The following ELAPOR1 variants were observed in gnomAD, a reference collection of about 807,000 sequenced individuals.
The protein encoded by ELAPOR1 is endosome/lysosome-associated apoptosis and autophagy regulator 1.
A neutral mutation model predicts 119.7 loss-of-function variants in ELAPOR1; 77 were observed. The ratio of observed to expected loss-of-function variants is 0.64; its 90% CI spans 0.54 to 0.78. The LOEUF (loss-of-function observed/expected upper bound fraction) is 0.78, where lower values mean the gene tolerates loss of function less well. ELAPOR1 is among the 30% of genes least tolerant of loss of function. ELAPOR1 has a pLI of 0.00. For synonymous variants in ELAPOR1, 481 were observed against 487.2 expected, an observed-to-expected ratio of 0.99 and a Z score of 0.17; for missense variants, 1,115 against 1,270.4, an observed-to-expected ratio of 0.88 and a Z score of 1.86.
rs1196180579 is a variant in ELAPOR1 at position 109,177,257 on chromosome 1, G to A, written c.952+3420G>A. Among the ~76,000 whole-genome samples, 12 of 144,230 alleles carry A rather than the reference G, an allele frequency of 8.3e-5. No individual in the cohort carries two copies. The East Asian group carries it at 1.1e-3, about 13-fold the overall frequency. The allele number at this position is 144,230 out of a possible 152,430, so 94.6% of individuals were successfully genotyped here. ...GGGCTGACCCCCCCACCTCCCTCCC[G>A]GACGGGGCGGCTGCCGGGCAGAGAC... On this transcript the variant is annotated intron_variant, in intron 7 of 21. Coordinates refer to ENST00000369939, the MANE Select transcript of ELAPOR1 (RefSeq NM_020775.5).
intron 11 of ELAPOR1, among the ~76,000 whole-genome samples, chr1:109,190,531 T>C (rs1195300760): frequency 6.6e-6 from 1 of 152,228 alleles, no homozygotes; most frequent in Non-Finnish European, 1.5e-5. Flanking sequence ...GACACCTTCA[T>C]TTCCTTCTTC....
intron 7 of ELAPOR1, among the ~76,000 whole-genome samples, chr1:109,178,979 T>C (rs1232724389): frequency 7.5e-6 from 1 of 133,384 alleles, no homozygotes; most frequent in Admixed American, 7.4e-5. Context: ...AAAAAAAGAA[T>C]GTAGTGGAGG....
chr1:109,123,814 T>C (rs890200633), intron 1 of ELAPOR1, among the ~76,000 whole-genome samples: 5 of 152,232 alleles, frequency 3.3e-5, no homozygotes, highest in African/African-American at 1.2e-4. Context: ...TATACTTTTT[T>C]TTGAGATAGA....
chr1:109,146,707 A>G (rs1313659799), intron 1 of ELAPOR1, among the ~76,000 whole-genome samples: 2 of 152,212 alleles, frequency 1.3e-5, no homozygotes, highest in African/African-American at 4.8e-5. Context: ...GAAGGTAGTC[A>G]TCAAGATGAA....
At chr1:109,171,722 T>C (rs1651938274) in intron 3 of ELAPOR1, 144 bp from the exon 4 acceptor site, 2 of 828,978 alleles carry the variant, frequency 2.4e-6, no homozygotes, top group Non-Finnish European at 3.8e-6. Flanking sequence ...CTTTCTTCAC[T>C]GAGCATTTTC....
chr1:109,127,415 C>G (rs1004219921), intron 1 of ELAPOR1, among the ~76,000 whole-genome samples: 2 of 151,808 alleles, frequency 1.3e-5, no homozygotes, highest in African/African-American at 4.8e-5. Context: ...GGGGTTTCAC[C>G]ATGTTGACCA....
At chr1:109,161,123 G>A (rs752975610) in intron 1 of ELAPOR1, among the ~76,000 whole-genome samples, 1 of 152,188 alleles carries the variant, frequency 6.6e-6, no homozygotes, top group Non-Finnish European at 1.5e-5. Flanking sequence ...GAAACACAGG[G>A]AAATAGGGCC....
chr1:109,172,887 G>C (rs1652004529), intron 5 of ELAPOR1, among the ~76,000 whole-genome samples: 1 of 152,070 alleles, frequency 6.6e-6, no homozygotes, highest in African/African-American at 2.4e-5. Context: ...CTGAGGTCAG[G>C]AGTTCGAGAC....
intron 6 of ELAPOR1, 39 bp from the exon 7 acceptor site, chr1:109,173,649 G>A (rs201899719): frequency 5.8e-4 from 937 of 1,613,322 alleles, no homozygotes; most frequent in Non-Finnish European, 7.7e-4. Flanking sequence ...CAGTCTCCAG[G>A]CTGAATCCTT....
At chr1:109,138,153 C>T (rs1006048635) in intron 1 of ELAPOR1, among the ~76,000 whole-genome samples, 1 of 137,810 alleles carries the variant, frequency 7.3e-6, no homozygotes, top group Non-Finnish European at 1.6e-5. Context: ...TAAGCAAGAG[C>T]CTGGCTTCTG....
chr1:109,150,982 C>T (rs112065617), intron 1 of ELAPOR1, among the ~76,000 whole-genome samples: 1,557 of 152,120 alleles, frequency 0.01, 10 homozygotes, highest in Non-Finnish European at 0.016. Context: ...ATACAATGGA[C>T]CCACTGCCCA....
At chr1:109,143,376 T>C (rs779629231) in intron 1 of ELAPOR1, among the ~76,000 whole-genome samples, 1 of 152,202 alleles carries the variant, frequency 6.6e-6, no homozygotes, top group Non-Finnish European at 1.5e-5. Flanking sequence ...TATTGTATGA[T>C]TGTGTTTGTA....
Position 109,164,728 on chromosome 1 carries a change from A to C in ELAPOR1, c.467+37A>C, listed in dbSNP as rs555796412. The C allele has an allele frequency of 5.1e-6, 8 of 1,570,360 alleles. 1 individual carries two copies. In the African/African-American group the frequency reaches 6.7e-5, roughly 13 times the overall value. ...CACACCCCCACCCCACCCCCAGCCC[A>C]CTGGGTAAGGGGCTACAGGGCACAC... On this transcript the variant is annotated intron_variant, in intron 3 of 21. Coordinates refer to ENST00000369939, the MANE Select transcript of ELAPOR1 (RefSeq NM_020775.5).
rs888185092 is a variant in ELAPOR1 at position 109,135,724 on chromosome 1, T to G, written c.153+21388T>G. Among the ~76,000 whole-genome samples, 8 of 152,318 alleles carry G rather than the reference T, an allele frequency of 5.3e-5. No homozygotes were observed. In the South Asian group the frequency reaches 1.0e-3, roughly 20 times the overall value. On this transcript the variant is annotated intron_variant, in intron 1 of 21. Transcript: ENST00000369939. The stretch of plus-strand genomic sequence containing the variant: ...GTAGCTTATATACCAGCTGTGTGAC[T>G]GGGGGCATATGACTGAATATCTCTT...
Position 109,197,645 on chromosome 1 carries a change from C to T in ELAPOR1, c.2293C>T (p.Arg765Ter), listed in dbSNP as rs781016941. ...CTCACAGCCTGTCAGCCTTGCTGAT[C>T]GACTTATTGGTGAGTAACTCCGCTG... ...VSSQPVSLAD[R>*]LIGVTTDMTL... The change falls in exon 16 of 22, where the codon CGA (arginine) becomes TGA (stop). Residue 765 changes from arginine to a stop codon, truncating the protein, a stop_gained. Coordinates refer to ENST00000369939, the MANE Select transcript of ELAPOR1 (RefSeq NM_020775.5). LOFTEE classifies it high-confidence loss of function. 3.7e-6 allele frequency: 6 copies of T among 1,613,416 alleles called. No homozygotes were observed. Among genetic ancestry groups the T allele is most frequent in the Non-Finnish European group, 1.7e-6 (2 of 1,179,822 alleles).
At chr1:109,179,554 T>G (rs1652573696) in intron 7 of ELAPOR1, among the ~76,000 whole-genome samples, 1 of 152,136 alleles carries the variant, frequency 6.6e-6, no homozygotes, top group African/African-American at 2.4e-5. Context: ...GGAGCAGTCC[T>G]TCTGTGCTAT....
In ELAPOR1 at chr1:109,205,924, A is replaced by G. The variant is rs947187788; in HGVS notation, c.*2912A>G. 1.3e-5 allele frequency: 2 copies of G among 152,212 alleles called. No individual in the cohort carries two copies. Among genetic ancestry groups the G allele is most frequent in the Non-Finnish European group, 2.9e-5 (2 of 68,044 alleles). 9.4% of individuals were successfully genotyped at this position (152,212 alleles called of 1,614,324 possible). On this transcript the variant is annotated 3_prime_UTR_variant, in exon 22 of 22. Transcript: ENST00000369939. ...TTTATTGAGATATAATTCACATATTACACAATTCACCTTTAAAACATACGA... is the reference window on the plus strand; with the variant it reads ...TTTATTGAGATATAATTCACATATTGCACAATTCACCTTTAAAACATACGA...
chr1:109,122,632 G>A lies in ELAPOR1; in HGVS notation c.153+8296G>A, dbSNP rs1648514114. On this transcript the variant is annotated intron_variant, in intron 1 of 21. Transcript: ENST00000369939. Reference sequence around the variant, plus strand: ...GCCGTGATCAAGCCACTACTCTCCAGCATGGGCAACACAGTGGGACTCTCT... The same window carrying A: ...GCCGTGATCAAGCCACTACTCTCCAACATGGGCAACACAGTGGGACTCTCT... Among the ~76,000 whole-genome samples, 3 of 151,746 alleles carry A rather than the reference G, an allele frequency of 2.0e-5. No individual in the cohort carries two copies. In the South Asian group the frequency reaches 6.2e-4, roughly 32 times the overall value.
At chr1:109,142,825 A>AT (rs1170187409) in intron 1 of ELAPOR1, among the ~76,000 whole-genome samples, 1 of 152,262 alleles carries the variant, frequency 6.6e-6, no homozygotes. Flanking sequence ...TTGAGAACAT[A>AT]TATTCACACA....
Sources: allele counts gnomAD v4.1 joint callset (sites outside exome capture counted in the v4.1 genomes callset), GRCh38; gene constraint gnomAD v4.1.1; transcripts MANE v1.5; gene names NCBI Gene and HGNC (gene_info 2026-07-23, HGNC 2026-07-21).